The following DNAJC10 variants were observed in gnomAD, a reference collection of about 807,000 sequenced individuals.
DNAJC10 encodes DnaJ heat shock protein family (Hsp40) member C10, also known as endoplasmic reticulum disulfide reductase DNAJC10.
Under a neutral mutation model 115.0 loss-of-function variants are expected in DNAJC10, and 101 were observed. That is an observed-to-expected ratio of 0.88 (90% CI 0.75 to 1.04). DNAJC10 has a LOEUF of 1.04. Ranked by LOEUF, DNAJC10 falls within the 50% of genes least tolerant of loss-of-function variation. DNAJC10 has a pLI of 0.00. For missense variants in DNAJC10, 981 were observed against 928.8 expected (o/e 1.06, Z -0.73); for synonymous variants, 307 against 301.5 (o/e 1.02, Z -0.19).
Position 182,788,013 on chromosome 2 carries a change from G to A in DNAJC10, c.*10881G>A, listed in dbSNP as rs1260113596. 6.6e-6 allele frequency: 1 copy of A among 152,196 alleles called. No homozygotes were observed. The highest frequency in any genetic ancestry group is 1.5e-5 in the Non-Finnish European group (1 of 68,042). The allele number at this position is 152,196 out of a possible 1,614,324, so 9.4% of individuals were successfully genotyped here. A position where few individuals can be genotyped will look rare whatever the true frequency, so the allele number is the denominator to read the frequency against. ...AAAAATTAAGGCATATTATTTTACTGTACTCTCAGAAAGATGTTTAACAAA... is the reference window on the plus strand; with the variant it reads ...AAAAATTAAGGCATATTATTTTACTATACTCTCAGAAAGATGTTTAACAAA... On this transcript the variant is annotated 3_prime_UTR_variant, in exon 24 of 24. Transcript: ENST00000264065.
intron 3 of DNAJC10, among the ~76,000 whole-genome samples, chr2:182,719,607 A>AT (rs1449839789): frequency 1.3e-5 from 2 of 151,612 alleles, no homozygotes; most frequent in Non-Finnish European, 2.9e-5. Context: ...AATTAAGTTG[A>AT]TTTTACCTCA....
At chr2:182,733,389 T>A (rs774658588) in intron 10 of DNAJC10, among the ~76,000 whole-genome samples, 1 of 151,902 alleles carries the variant, frequency 6.6e-6, no homozygotes, top group Non-Finnish European at 1.5e-5. Context: ...AGGCCTTTAG[T>A]TTTTCAGCAC....
At chr2:182,721,924 A>G (rs1027588868) in intron 4 of DNAJC10, 101 bp from the exon 5 acceptor site, 1 of 629,982 alleles carries the variant, frequency 1.6e-6, no homozygotes, top group Non-Finnish European at 2.7e-6. Context: ...ATAATATAGT[A>G]GTTTGATTTT....
At chr2:182,719,771 G>T in intron 3 of DNAJC10, among the ~76,000 whole-genome samples, 1 of 149,184 alleles carries the variant, frequency 6.7e-6, no homozygotes. Context: ...ACCTTTTGAA[G>T]AGTCAATTAT....
chr2:182,744,875 A>C (rs1238719873), intron 14 of DNAJC10, among the ~76,000 whole-genome samples: 1 of 152,202 alleles, frequency 6.6e-6, no homozygotes, highest in Non-Finnish European at 1.5e-5. Flanking sequence ...AAGTTTTAAT[A>C]ATGGAATAAT....
At position 182,766,799 on chromosome 2, in the gene DNAJC10, C is replaced by T. The variant is rs372826097; in HGVS notation, c.2265+3998C>T. On this transcript the variant is annotated intron_variant, in intron 22 of 23. Transcript: ENST00000264065. Reference sequence around the variant, plus strand: ...CCTAATCATACAAATGTTCGCTGACCGGGGGTATAATCTAAGAACTGTCAC... The same window carrying T: ...CCTAATCATACAAATGTTCGCTGACTGGGGGTATAATCTAAGAACTGTCAC... Among the ~76,000 whole-genome samples the T allele has an allele frequency of 3.9e-5, 6 of 152,066 alleles. No homozygotes were observed. In the South Asian group the frequency reaches 8.3e-4, roughly 21 times the overall value.
chr2:182,720,659 T>C (rs1454551363), intron 4 of DNAJC10, among the ~76,000 whole-genome samples: 2 of 152,032 alleles, frequency 1.3e-5, no homozygotes, highest in Non-Finnish European at 2.9e-5. Context: ...GTGATGTTTT[T>C]GCAACAACAA....
At position 182,778,416 on chromosome 2, in the gene DNAJC10, G is replaced by A. The variant is rs546047963; in HGVS notation, c.*1284G>A. 1.1e-4 allele frequency: 17 copies of A among 152,242 alleles called. No individual in the cohort carries two copies. In the South Asian group the frequency reaches 2.7e-3, roughly 24 times the overall value. 9.4% of individuals were successfully genotyped at this position (152,242 alleles called of 1,614,324 possible). ...AGAATCACAAATTTGTCAGTAACAT[G>A]TAGTTGTTTAGTTATAATTCAGAGT... On this transcript the variant is annotated 3_prime_UTR_variant, in exon 24 of 24. Transcript: ENST00000264065.
chr2:182,727,801 C>T (rs1235039244), intron 5 of DNAJC10, among the ~76,000 whole-genome samples: 2 of 152,024 alleles, frequency 1.3e-5, no homozygotes, highest in Non-Finnish European at 2.9e-5. Context: ...ATTAACCTCG[C>T]CTTTTTATCT....
chr2:182,733,505 G>A (rs548260721), intron 10 of DNAJC10, among the ~76,000 whole-genome samples: 1 of 151,694 alleles, frequency 6.6e-6, no homozygotes, highest in South Asian at 2.1e-4. Context: ...CTGAGCATTA[G>A]TATCTTTATT....
In DNAJC10 at chr2:182,783,384, C is replaced by G. The variant is rs1559034220; in HGVS notation, c.*6252C>G. On this transcript the variant is annotated 3_prime_UTR_variant, in exon 24 of 24. Coordinates refer to ENST00000264065, the MANE Select transcript of DNAJC10 (RefSeq NM_018981.4). The stretch of plus-strand genomic sequence containing the variant: ...CACCTATGCATTGAAATATCTTTCT[C>G]AAGTCATTAGATAAAGTATATGGCG... The G allele has an allele frequency of 6.6e-6, 1 of 152,066 alleles. No homozygotes were observed. The highest frequency in any genetic ancestry group is 1.9e-4 in the East Asian group (1 of 5,190). 9.4% of individuals were successfully genotyped at this position (152,066 alleles called of 1,614,324 possible).
At chr2:182,739,011 T>C (rs567202919) in intron 11 of DNAJC10, among the ~76,000 whole-genome samples, 3 of 152,000 alleles carry the variant, frequency 2.0e-5, no homozygotes, top group East Asian at 3.9e-4. Context: ...CAAGTTTATA[T>C]AGGCTGTGTA....
rs372597886 is a variant in DNAJC10 at position 182,752,050 on chromosome 2, A to T, written c.1435-22A>T. ...TTTTGTGTCATTTGGCTCGGTGCTT[A>T]TGAATATTTTTTCTTTCCTAGTGGT... On this transcript the variant is annotated intron_variant, in intron 15 of 23. Coordinates refer to ENST00000264065, the MANE Select transcript of DNAJC10 (RefSeq NM_018981.4). The T allele has an allele frequency of 3.8e-6, 6 of 1,569,156 alleles. No individual in the cohort carries two copies. The African/African-American group carries it at 5.4e-5, about 14-fold the overall frequency.
chr2:182,759,708 T>C (rs1454787439), intron 21 of DNAJC10, among the ~76,000 whole-genome samples: 3 of 152,128 alleles, frequency 2.0e-5, no homozygotes, highest in African/African-American at 7.2e-5. Context: ...TTCAACCCTT[T>C]ATCATCTCTT....
At chr2:182,761,617 T>TA (rs1239713105) in intron 21 of DNAJC10, among the ~76,000 whole-genome samples, 12 of 152,032 alleles carry the variant, frequency 7.9e-5, no homozygotes, top group Admixed American at 7.9e-4. Flanking sequence ...AGATGAAGGA[T>TA]AGAGAGGAGT....
At chr2:182,717,283 C>T (rs1693018483) in intron 2 of DNAJC10, among the ~76,000 whole-genome samples, 1 of 152,094 alleles carries the variant, frequency 6.6e-6, no homozygotes. Flanking sequence ...TTTGTTTCTA[C>T]TTACACCAAA....
At chr2:182,763,267 G>A (rs1207391378) in intron 22 of DNAJC10, among the ~76,000 whole-genome samples, 4 of 152,140 alleles carry the variant, frequency 2.6e-5, no homozygotes, top group African/African-American at 4.8e-5. Context: ...GGGGAGGAAA[G>A]AACAATGATA....
At position 182,751,785 on chromosome 2, in the gene DNAJC10, C is replaced by T. The variant is rs530098362; in HGVS notation, c.1434C>T (p.Pro478=). The change falls in exon 15 of 24, where the codon CCC becomes CCT. Residue 478 remains proline, a splice_region_variant and synonymous_variant. Transcript: ENST00000264065. ...CATGGCTTGTTGATTTCTTTGCCCCCGTAAGTTATTTTTATCTGTCAGATT... is the reference window on the plus strand; with the variant it reads ...CATGGCTTGTTGATTTCTTTGCCCCTGTAAGTTATTTTTATCTGTCAGATT... ...KEPWLVDFFA[P]WCPPCRALLP... is the part of the protein sequence containing the mutation. 82 of 1,611,202 alleles carry T rather than the reference C, an allele frequency of 5.1e-5. No homozygotes were observed. The highest frequency in any genetic ancestry group is 5.9e-5 in the Non-Finnish European group (70 of 1,179,436).
At chr2:182,745,214 A>C (rs774673926) in intron 14 of DNAJC10, among the ~76,000 whole-genome samples, 9 of 152,224 alleles carry the variant, frequency 5.9e-5, no homozygotes, top group Non-Finnish European at 1.3e-4. Context: ...GTAAGAACTC[A>C]GGAAATGTTT....
Sources: gnomAD v4.1 joint callset for allele counts (sites outside exome capture counted in the v4.1 genomes callset) on GRCh38, gnomAD v4.1.1 for gene constraint, MANE v1.5 for transcripts, NCBI Gene and HGNC (gene_info 2026-07-23, HGNC 2026-07-21) for gene names.